KIF21A: variants seen among roughly 807,000 people sequenced by gnomAD.
The protein encoded by KIF21A is kinesin-like protein KIF21A.
KIF21A carries 114 observed loss-of-function variants against 202.9 expected under a neutral mutation model. That is an observed-to-expected ratio of 0.56 (90% CI 0.48 to 0.66). KIF21A has a LOEUF of 0.66. KIF21A is among the 30% of genes least tolerant of loss of function. The pLI is 0.00. For synonymous variants in KIF21A, 667 were observed against 670.8 expected (o/e 0.99, Z 0.09); for missense variants, 1,677 against 1,994.9 (o/e 0.84, Z 3.04).
At chr12:39,369,475 G>A (rs1457936864) in intron 3 of KIF21A, among the ~76,000 whole-genome samples, 1 of 151,954 alleles carries the variant, frequency 6.6e-6, no homozygotes, top group Non-Finnish European at 1.5e-5. Flanking sequence ...AAAATGGGGG[G>A]GGTTCTTAAA....
intron 1 of KIF21A, among the ~76,000 whole-genome samples, chr12:39,397,857 C>T (rs1371378925): frequency 6.6e-6 from 1 of 152,206 alleles, no homozygotes; most frequent in Non-Finnish European, 1.5e-5. Flanking sequence ...TATCCAGAAA[C>T]ATGTAAATAG....
intron 1 of KIF21A, among the ~76,000 whole-genome samples, chr12:39,396,068 T>A (rs1309959125): frequency 6.6e-6 from 1 of 151,970 alleles, no homozygotes; most frequent in Non-Finnish European, 1.5e-5. Context: ...TAGTCCACCA[T>A]CATCGGGACA....
chr12:39,386,032 T>C (rs1950922814), intron 1 of KIF21A, among the ~76,000 whole-genome samples: 3 of 152,222 alleles, frequency 2.0e-5, no homozygotes, highest in Admixed American at 2.0e-4. Flanking sequence ...TTTTTGTTCT[T>C]GTCCTTTAAG....
intron 10 of KIF21A, among the ~76,000 whole-genome samples, chr12:39,355,707 T>TTATACATATATATATATATATATA (rs1555172725): frequency 4.2e-4 from 43 of 101,226 alleles, no homozygotes; most frequent in African/African-American, 2.0e-3. Context: ...GCATGAACAA[T>TTATACATATATATATATATATATA]TATATATATA....
In KIF21A at chr12:39,332,651, G is replaced by A; in HGVS notation, c.2796C>T (p.Asp932=). 2 of 1,613,988 alleles carry A rather than the reference G, an allele frequency of 1.2e-6. No homozygotes were observed. Among genetic ancestry groups the A allele is most frequent in the African/African-American group, 1.3e-5 (1 of 75,030 alleles). Residue 932 remains aspartate (D), a synonymous_variant, in exon 20 of 38, where the codon GAC becomes GAT. Coordinates refer to ENST00000361418, the MANE Select transcript of KIF21A (RefSeq NM_001173464.2). The part of the protein sequence containing the change: ...KWQLLERRVT[D]IIMQKMTISN... ...AAATGGTCATCTTCTGCATGATGATGTCTGTGACCCTGCGCTCAAGGAGCT... is the reference window on the plus strand; with the variant it reads ...AAATGGTCATCTTCTGCATGATGATATCTGTGACCCTGCGCTCAAGGAGCT...
At chr12:39,387,044 C>G (rs1318573174) in intron 1 of KIF21A, among the ~76,000 whole-genome samples, 1 of 151,600 alleles carries the variant, frequency 6.6e-6, no homozygotes, top group African/African-American at 2.4e-5. Flanking sequence ...AATTTAAATC[C>G]AGAATTTTTA....
At chr12:39,311,979 C>T (rs1944075067) in intron 31 of KIF21A, 1 of 159,918 alleles carries the variant, frequency 6.3e-6, no homozygotes, top group South Asian at 1.8e-4. Context: ...AATATATATG[C>T]CACCTAAAAT....
At chr12:39,379,685 C>T (rs1950490698) in intron 1 of KIF21A, among the ~76,000 whole-genome samples, 1 of 152,148 alleles carries the variant, frequency 6.6e-6, no homozygotes. Flanking sequence ...AGAATGTTTA[C>T]TGTCCTGATT....
At chr12:39,353,803 C>T (rs751290296) in intron 10 of KIF21A, among the ~76,000 whole-genome samples, 1 of 152,176 alleles carries the variant, frequency 6.6e-6, no homozygotes, top group African/African-American at 2.4e-5. Context: ...ACAAACTCCA[C>T]ATTAACAGAA....
At chr12:39,395,666 A>T (rs1192761876) in intron 1 of KIF21A, among the ~76,000 whole-genome samples, 2 of 151,700 alleles carry the variant, frequency 1.3e-5, no homozygotes, top group Non-Finnish European at 2.9e-5. Context: ...ACATGGGGAA[A>T]CCCGATCTCT....
At chr12:39,416,651 ATATATGTG>A (rs1316316879) in intron 1 of KIF21A, among the ~76,000 whole-genome samples, 2 of 132,986 alleles carry the variant, frequency 1.5e-5, no homozygotes, top group Non-Finnish European at 3.0e-5. Flanking sequence ...ATATGTACAT[ATATATGTG>A]TATATATATA....
chr12:39,437,583 G>A (rs1938993697), intron 1 of KIF21A, among the ~76,000 whole-genome samples: 1 of 152,190 alleles, frequency 6.6e-6, no homozygotes. Flanking sequence ...ACTAAAAAAC[G>A]TCATTGAGAA....
chr12:39,442,972 C>G lies in KIF21A; in HGVS notation c.-2G>C. 1 of 1,521,074 alleles carries G rather than the reference C, an allele frequency of 6.6e-7. No individual in the cohort carries two copies. Among genetic ancestry groups the G allele is most frequent in the Non-Finnish European group, 8.8e-7 (1 of 1,141,716 alleles). 94.2% of individuals were successfully genotyped at this position (1,521,074 alleles called of 1,614,324 possible). On this transcript the variant is annotated 5_prime_UTR_variant, in exon 1 of 38. Transcript: ENST00000361418. This position sits in a 1 kb window ranked among gnomAD's most constrained non-coding sequence, Gnocchi z 5.0. ...GCTCTCGTCCGGGGCGCCCAACATGCTGGCGGCGGGCAGCGATCGAGCCGT... is the reference window on the plus strand; with the variant it reads ...GCTCTCGTCCGGGGCGCCCAACATGGTGGCGGCGGGCAGCGATCGAGCCGT...
rs546772673 is a variant in KIF21A at position 39,407,258 on chromosome 12, G to A, written c.44+35669C>T. Among the ~76,000 whole-genome samples, 8 of 152,184 alleles carry A rather than the reference G, an allele frequency of 5.3e-5. No homozygotes were observed. In the East Asian group the frequency reaches 1.2e-3, roughly 22 times the overall value. The stretch of plus-strand genomic sequence containing the variant: ...AACAGTACTACTACATAAAATTACC[G>A]TGAAGTTTATTGTAATTACAATCAT... On this transcript the variant is annotated intron_variant, in intron 1 of 37. Coordinates refer to ENST00000361418, the MANE Select transcript of KIF21A (RefSeq NM_001173464.2).
At chr12:39,300,374 G>A (rs147793671) in intron 37 of KIF21A, among the ~76,000 whole-genome samples, 249 of 151,912 alleles carry the variant, frequency 1.6e-3, no homozygotes, top group African/African-American at 5.8e-3. Context: ...AGGTAAGCAC[G>A]TTAGAAAAAC....
intron 26 of KIF21A, among the ~76,000 whole-genome samples, chr12:39,325,515 T>TTTTTTTTTG (rs1945795896): frequency 6.7e-6 from 1 of 149,496 alleles, no homozygotes; most frequent in Middle Eastern, 3.4e-3. Flanking sequence ...TTTTTTTTTT[T>TTTTTTTTTG]TGTATTTTTA....
At chr12:39,344,004 A>G (rs948769025) in intron 12 of KIF21A, among the ~76,000 whole-genome samples, 6 of 152,198 alleles carry the variant, frequency 3.9e-5, no homozygotes. Flanking sequence ...GAGAGAGAAG[A>G]AAGTACAAGT....
At chr12:39,437,394 T>C (rs1415574218) in intron 1 of KIF21A, among the ~76,000 whole-genome samples, 1 of 152,208 alleles carries the variant, frequency 6.6e-6, no homozygotes, top group East Asian at 1.9e-4. Flanking sequence ...AACCCACATT[T>C]TGTAAATGAA....
chr12:39,425,986 A>T (rs987921869), intron 1 of KIF21A, among the ~76,000 whole-genome samples: 1 of 152,022 alleles, frequency 6.6e-6, no homozygotes, highest in African/African-American at 2.4e-5. Context: ...AAATCTATGC[A>T]AGATTCAACA....
Sources: gnomAD v4.1 joint callset for allele counts (sites outside exome capture counted in the v4.1 genomes callset) on GRCh38, gnomAD v4.1.1 for gene constraint, Gnocchi (gnomAD v3.1) non-coding constraint, MANE v1.5 for transcripts, NCBI Gene and HGNC (gene_info 2026-07-23, HGNC 2026-07-21) for gene names.